Variants in KDM3B observed in about 807,000 individuals in gnomAD.
KDM3B encodes lysine-specific demethylase 3B.
Under a neutral mutation model 170.0 loss-of-function variants are expected in KDM3B, and 10 were observed. The observed-to-expected ratio is 0.06, with a 90% CI of 0.04 to 0.10. The LOEUF (loss-of-function observed/expected upper bound fraction) is 0.10, where lower values mean the gene tolerates loss of function less well. Ranked by LOEUF, KDM3B falls within the 10% of genes least tolerant of loss-of-function variation. The pLI, the probability that KDM3B is intolerant of heterozygous loss-of-function variation, is 1.00. For missense variants in KDM3B, 1,394 were observed against 2,195.2 expected (o/e 0.64, Z 7.29); for synonymous variants, 831 against 834.8 (o/e 1.00, Z 0.08).
At chr5:138,390,854 G>C (rs950729510) in intron 7 of KDM3B, among the ~76,000 whole-genome samples, 159 bp from the exon 8 acceptor site, 1 of 152,050 alleles carries the variant, frequency 6.6e-6, no homozygotes, top group Non-Finnish European at 1.5e-5. Context: ...CCCCACTGCT[G>C]GTGAACTCCA....
At chr5:138,406,475 C>T (rs1374236177) in intron 11 of KDM3B, among the ~76,000 whole-genome samples, 2 of 152,116 alleles carry the variant, frequency 1.3e-5, no homozygotes, top group African/African-American at 4.8e-5. Flanking sequence ...GAAACCCTGT[C>T]TCTACTAAAA....
intron 7 of KDM3B, among the ~76,000 whole-genome samples, chr5:138,388,553 A>G (rs191768536): frequency 6.6e-6 from 1 of 150,928 alleles, no homozygotes; most frequent in African/African-American, 2.4e-5. Context: ...AATGGCGTGA[A>G]CCCGGGAGGC....
intron 7 of KDM3B, among the ~76,000 whole-genome samples, chr5:138,389,808 G>GTGTA (rs1762380870): frequency 6.6e-6 from 1 of 151,564 alleles, no homozygotes; most frequent in East Asian, 1.9e-4. Flanking sequence ...GTGTGTGTGT[G>GTGTA]TGTGTCCCTT....
At chr5:138,355,724 T>C (rs1761432339) in intron 1 of KDM3B, among the ~76,000 whole-genome samples, 1 of 152,208 alleles carries the variant, frequency 6.6e-6, no homozygotes. Flanking sequence ...TATTGGCTCA[T>C]GTAAGTTGCA....
intron 20 of KDM3B, among the ~76,000 whole-genome samples, chr5:138,429,242 G>C (rs2127005494): frequency 6.6e-6 from 1 of 152,126 alleles, no homozygotes; most frequent in African/African-American, 2.4e-5. Flanking sequence ...AGTAGAGATG[G>C]GGTGTCACCA....
chr5:138,430,540 C>T (rs1340436378), intron 22 of KDM3B, 115 bp downstream of exon 22: 13 of 924,056 alleles, frequency 1.4e-5, no homozygotes, highest in South Asian at 2.0e-5. Context: ...CTCTCTTATG[C>T]TGCAACTTAT....
chr5:138,362,518 T>G (rs905904942), intron 1 of KDM3B, among the ~76,000 whole-genome samples: 4 of 146,234 alleles, frequency 2.7e-5, no homozygotes, highest in Admixed American at 7.1e-5. Flanking sequence ...GAGGATCACT[T>G]GAGCCCAGGA....
chr5:138,400,121 G>T (rs2126962372), intron 11 of KDM3B, 109 bp downstream of exon 11: 2 of 1,060,256 alleles, frequency 1.9e-6, no homozygotes, highest in East Asian at 5.0e-5. Context: ...CTCTTTAGCT[G>T]CTTGGCTTCA....
At chr5:138,359,353 G>A (rs1310536904) in intron 1 of KDM3B, among the ~76,000 whole-genome samples, 2 of 151,856 alleles carry the variant, frequency 1.3e-5, no homozygotes, top group African/African-American at 4.8e-5. Flanking sequence ...GTAGAGACAG[G>A]GTTTCGCCAT....
At chr5:138,428,219 G>A in intron 20 of KDM3B, 133 bp downstream of exon 20, 1 of 918,592 alleles carries the variant, frequency 1.1e-6, no homozygotes, top group Non-Finnish European at 1.6e-6. Flanking sequence ...TTTTTTTTGG[G>A]GGGCGGGGAG....
At chr5:138,397,635 C>T (rs192550130) in intron 9 of KDM3B, among the ~76,000 whole-genome samples, 29 of 152,204 alleles carry the variant, frequency 1.9e-4, no homozygotes, top group African/African-American at 5.3e-4. Flanking sequence ...GTCAGTAGTT[C>T]AAGACCAGCC....
Position 138,391,780 on chromosome 5 carries a change from C to G in KDM3B, c.2148C>G (p.Ser716Arg). 6.2e-7 allele frequency: 1 copy of G among 1,614,064 alleles called. No homozygotes were observed. Among genetic ancestry groups the G allele is most frequent in the Non-Finnish European group, 8.5e-7 (1 of 1,179,998 alleles). ...CAGCTCTTACCAGTGGGGGCCCAAG[C>G]CTCTCTGCCATGGGGAATGGCCGCT... ...LGSALTSGGP[S>R]LSAMGNGRSS... The change falls in exon 8 of 24, where the codon AGC becomes AGG. Residue 716 changes from serine to arginine, a missense_variant. Around this residue, in one of 19 missense-constraint regions of KDM3B, gnomAD observed 294 missense variants for 311.7 expected, o/e 0.94. Coordinates refer to ENST00000314358, the MANE Select transcript of KDM3B (RefSeq NM_016604.4). The surrounding 1 kb of genome is among the most constrained non-coding windows in gnomAD (Gnocchi z 5.0).
chr5:138,408,521 C>T (rs1447723326), intron 11 of KDM3B, among the ~76,000 whole-genome samples: 4 of 151,942 alleles, frequency 2.6e-5, no homozygotes, highest in Admixed American at 2.0e-4. Context: ...ACCAATTATA[C>T]ACACAGTCTT....
intron 3 of KDM3B, 47 bp from the exon 4 acceptor site, chr5:138,377,673 G>T (rs764585067): frequency 7.6e-7 from 1 of 1,315,560 alleles, no homozygotes; most frequent in Non-Finnish European, 1.1e-6. Flanking sequence ...TTAGATGTTT[G>T]CTATTCATTT....
intron 7 of KDM3B, among the ~76,000 whole-genome samples, chr5:138,390,188 C>G (rs1360058899): frequency 1.3e-5 from 2 of 151,880 alleles, no homozygotes; most frequent in Admixed American, 1.3e-4. Flanking sequence ...CATTCACAAG[C>G]AGAAGTTAAC....
At chr5:138,393,441 G>T in intron 9 of KDM3B, 69 bp downstream of exon 9, 2 of 1,283,462 alleles carry the variant, frequency 1.6e-6, no homozygotes, top group Non-Finnish European at 2.2e-6. Flanking sequence ...CTCTTTCTCT[G>T]AGTCTATAAA....
At chr5:138,355,603 T>C (rs1561752028) in intron 1 of KDM3B, among the ~76,000 whole-genome samples, 1 of 152,210 alleles carries the variant, frequency 6.6e-6, no homozygotes, top group Non-Finnish European at 1.5e-5. Context: ...GTAATTTTAT[T>C]TGTGTTTTAA....
At chr5:138,397,334 CA>C (rs922951537) in intron 9 of KDM3B, among the ~76,000 whole-genome samples, 4 of 148,226 alleles carry the variant, frequency 2.7e-5, no homozygotes, top group Non-Finnish European at 4.5e-5. Flanking sequence ...GACTCTGTCT[CA>C]AAAAAAAACT....
chr5:138,424,718 G>A (rs1763352914), intron 16 of KDM3B, among the ~76,000 whole-genome samples: 1 of 152,178 alleles, frequency 6.6e-6, no homozygotes, highest in African/African-American at 2.4e-5. Flanking sequence ...AGCAGAGGGT[G>A]CGGTGAGCCA....
Sources: allele counts gnomAD v4.1 joint callset (sites outside exome capture counted in the v4.1 genomes callset), GRCh38; gene constraint gnomAD v4.1.1; regional missense constraint gnomAD v4.1.1; non-coding constraint Gnocchi (gnomAD v3.1); transcripts MANE v1.5; gene names NCBI Gene and HGNC (gene_info 2026-07-23, HGNC 2026-07-21).